RNF4: variants seen among roughly 807,000 people sequenced by gnomAD.
RNF4 encodes E3 ubiquitin-protein ligase RNF4.
In RNF4, 7 loss-of-function variants were observed where a neutral mutation model predicts 24.3. The observed-to-expected ratio is 0.29, with a 90% CI of 0.16 to 0.54. The LOEUF (loss-of-function observed/expected upper bound fraction) is 0.54, where lower values mean the gene tolerates loss of function less well. RNF4 is among the 20% of genes least tolerant of loss of function. RNF4 has a pLI of 0.95. For synonymous variants in RNF4, 83 were observed against 84.3 expected (o/e 0.98, Z 0.09); for missense variants, 209 against 248.5 (o/e 0.84, Z 1.07).
At position 2,513,924 on chromosome 4, in the gene RNF4, C is replaced by A; in HGVS notation, c.*105C>A. Reference sequence around the variant, plus strand: ...GAGATCAAAAAGACTGTTTCGAAACCAACATCTGATATGTAAACTGCTCTT... The same window carrying A: ...GAGATCAAAAAGACTGTTTCGAAACAAACATCTGATATGTAAACTGCTCTT... On this transcript the variant is annotated 3_prime_UTR_variant, in exon 8 of 8. Coordinates refer to ENST00000314289, the MANE Select transcript of RNF4 (RefSeq NM_002938.5). 7.0e-7 allele frequency: 1 copy of A among 1,433,142 alleles called. No individual in the cohort carries two copies. The highest frequency in any genetic ancestry group is 9.7e-7 in the Non-Finnish European group (1 of 1,033,628). 88.8% of individuals were successfully genotyped at this position (1,433,142 alleles called of 1,614,324 possible).
chr4:2,475,161 C>G (rs1051112514), intron 1 of RNF4, among the ~76,000 whole-genome samples: 2 of 152,160 alleles, frequency 1.3e-5, no homozygotes, highest in African/African-American at 4.8e-5. Context: ...CTCAAATGAT[C>G]ATTAGCATTT....
Position 2,510,791 on chromosome 4 carries a change from C to G in RNF4, c.205-1165C>G, listed in dbSNP as rs147422221. Among the ~76,000 whole-genome samples, 18 of 152,250 alleles carry G rather than the reference C, an allele frequency of 1.2e-4. No individual in the cohort carries two copies. The East Asian group carries it at 3.3e-3, about 28-fold the overall frequency. Reference sequence around the variant, plus strand: ...AGAGGGAAAGGGCGTTCCACTGGCCCCCCTAGATGGGTAAGAGCACTTGGC... The same window carrying G: ...AGAGGGAAAGGGCGTTCCACTGGCCGCCCTAGATGGGTAAGAGCACTTGGC... On this transcript the variant is annotated intron_variant, in intron 4 of 7. Coordinates refer to ENST00000314289, the MANE Select transcript of RNF4 (RefSeq NM_002938.5).
At chr4:2,497,273 G>C in intron 3 of RNF4, 152 bp downstream of exon 3, 1 of 554,410 alleles carries the variant, frequency 1.8e-6, no homozygotes, top group Non-Finnish European at 3.2e-6. Flanking sequence ...CACAGATTCT[G>C]AAATAGCTTC....
intron 2 of RNF4, among the ~76,000 whole-genome samples, chr4:2,492,211 A>C (rs1050787835): frequency 6.6e-6 from 1 of 151,822 alleles, no homozygotes; most frequent in Admixed American, 6.6e-5. Flanking sequence ...AAAAAAAAAA[A>C]GAAAAATCAT....
At chr4:2,486,265 G>T (rs941926825) in intron 1 of RNF4, among the ~76,000 whole-genome samples, 1 of 152,198 alleles carries the variant, frequency 6.6e-6, no homozygotes, top group Non-Finnish European at 1.5e-5. Context: ...GCTGTTGTTA[G>T]TTTTCTTATT....
intron 1 of RNF4, among the ~76,000 whole-genome samples, chr4:2,475,554 G>A (rs10004477): frequency 0.66 from 99,758 of 151,670 alleles, 33,436 homozygotes; most frequent in African/African-American, 0.78. Context: ...TTGCCAGGAT[G>A]GTCTCGATCT....
intron 4 of RNF4, among the ~76,000 whole-genome samples, chr4:2,509,420 G>C (rs1246906657): frequency 6.6e-6 from 1 of 152,106 alleles, no homozygotes; most frequent in Non-Finnish European, 1.5e-5. Flanking sequence ...GTTTCACCAT[G>C]TTGGTCAGGC....
intron 4 of RNF4, among the ~76,000 whole-genome samples, chr4:2,502,451 C>T (rs901337557): frequency 1.9e-4 from 29 of 152,054 alleles, no homozygotes; most frequent in African/African-American, 6.8e-4. Flanking sequence ...TTTGGGAGGC[C>T]GAGGTGGGCG....
intron 1 of RNF4, among the ~76,000 whole-genome samples, chr4:2,477,294 C>G (rs1342461061): frequency 6.6e-6 from 1 of 152,082 alleles, no homozygotes; most frequent in Non-Finnish European, 1.5e-5. Flanking sequence ...CTCAAGAGAT[C>G]TGATGCTTTA....
chr4:2,477,938 T>G (rs1735130323), intron 1 of RNF4, among the ~76,000 whole-genome samples: 1 of 152,110 alleles, frequency 6.6e-6, no homozygotes. Context: ...CAGGAAAATG[T>G]GGGAAAGTTT....
intron 1 of RNF4, among the ~76,000 whole-genome samples, chr4:2,472,840 A>G (rs1734948960): frequency 1.3e-5 from 2 of 151,262 alleles, no homozygotes; most frequent in Admixed American, 1.3e-4. Context: ...GGAGATCGAG[A>G]CCATCCTGGC....
intron 1 of RNF4, among the ~76,000 whole-genome samples, chr4:2,488,905 G>A (rs1401068116): frequency 6.6e-6 from 1 of 151,964 alleles, no homozygotes. Flanking sequence ...CTGCCTCCCA[G>A]GTTCAAGAGA....
At chr4:2,509,679 C>T (rs1312969453) in intron 4 of RNF4, among the ~76,000 whole-genome samples, 1 of 152,150 alleles carries the variant, frequency 6.6e-6, no homozygotes, top group African/African-American at 2.4e-5. Flanking sequence ...CCAGCAGCCC[C>T]TGGGCTCAGT....
chr4:2,490,429 T>A lies in RNF4; in HGVS notation c.-65T>A. On this transcript the variant is annotated 5_prime_UTR_variant, in exon 2 of 8. Coordinates refer to ENST00000314289, the MANE Select transcript of RNF4 (RefSeq NM_002938.5). ...CATGAAAGGTTGAGAACATTTGACT[T>A]CCCTGCAAACCTTGGTATAGATCAC... is the stretch of plus-strand genomic sequence containing the variant. 6.4e-7 allele frequency: 1 copy of A among 1,571,848 alleles called. No homozygotes were observed. Among genetic ancestry groups the A allele is most frequent in the Non-Finnish European group, 8.7e-7 (1 of 1,149,150 alleles).
At chr4:2,476,692 TTTTC>T (rs1336059097) in intron 1 of RNF4, among the ~76,000 whole-genome samples, 14 of 148,298 alleles carry the variant, frequency 9.4e-5, no homozygotes, top group East Asian at 8.0e-4. Context: ...CGTCCAGCCC[TTTTC>T]TTTCTTTCTT....
chr4:2,497,688 G>A (rs762419806), intron 3 of RNF4, among the ~76,000 whole-genome samples: 1 of 152,174 alleles, frequency 6.6e-6, no homozygotes, highest in Non-Finnish European at 1.5e-5. Context: ...AAGCTAGAGT[G>A]TAGTGGTGCA....
intron 1 of RNF4, among the ~76,000 whole-genome samples, chr4:2,488,824 A>T (rs704355): frequency 0.2 from 29,825 of 151,674 alleles, 3,267 homozygotes; most frequent in East Asian, 0.39. Context: ...TTATTTATTT[A>T]TTTATTTTTT....
intron 3 of RNF4, among the ~76,000 whole-genome samples, chr4:2,498,442 C>T (rs777871787): frequency 1.6e-4 from 24 of 152,098 alleles, no homozygotes; most frequent in Non-Finnish European, 2.6e-4. Flanking sequence ...CCTGCCTTGG[C>T]CTCCCAAAGT....
At chr4:2,510,988 TTC>T (rs1736256014) in intron 4 of RNF4, among the ~76,000 whole-genome samples, 2 of 152,234 alleles carry the variant, frequency 1.3e-5, no homozygotes, top group South Asian at 4.1e-4. Context: ...TAGCCTGCTT[TTC>T]TCTGTTAGTT....
Sources: gnomAD v4.1 joint callset for allele counts (sites outside exome capture counted in the v4.1 genomes callset) on GRCh38, gnomAD v4.1.1 for gene constraint, MANE v1.5 for transcripts, NCBI Gene and HGNC (gene_info 2026-07-23, HGNC 2026-07-21) for gene names.